The following RFX8 variants were observed in gnomAD, a reference collection of about 807,000 sequenced individuals.
RFX8 encodes regulatory factor X8.
In RFX8, 46 loss-of-function variants were observed where a neutral mutation model predicts 54.6. That is an observed-to-expected ratio of 0.84 (90% CI 0.67 to 1.08). RFX8 has a LOEUF of 1.08. Among genes scored for constraint, RFX8 ranks in the 50% least tolerant of loss-of-function variants. RFX8 has a pLI of 0.00. For missense variants in RFX8, 536 were observed against 562.3 expected (o/e 0.95, Z 0.47); for synonymous variants, 192 against 209.5 (o/e 0.92, Z 0.72).
chr2:101,472,136 T>A (rs983306320), intron 1 of RFX8, among the ~76,000 whole-genome samples: 1 of 152,224 alleles, frequency 6.6e-6, no homozygotes, highest in Non-Finnish European at 1.5e-5. Context: ...GTTTCACTCT[T>A]GTCGCCCACG....
intron 11 of RFX8, 141 bp from the exon 12 acceptor site, chr2:101,397,865 T>A: frequency 6.3e-6 from 2 of 319,988 alleles, no homozygotes; most frequent in Non-Finnish European, 1.0e-5. Flanking sequence ...CATTTATTCC[T>A]TTTTTTTTTT....
chr2:101,459,238 C>T (rs1689139064), intron 2 of RFX8, among the ~76,000 whole-genome samples: 1 of 152,166 alleles, frequency 6.6e-6, no homozygotes, highest in Non-Finnish European at 1.5e-5. Context: ...CATTCTCCGT[C>T]CAGTTTTGTT....
chr2:101,415,810 T>C (rs1686462920), intron 6 of RFX8, among the ~76,000 whole-genome samples: 1 of 152,244 alleles, frequency 6.6e-6, no homozygotes, highest in African/African-American at 2.4e-5. Context: ...TCCCATGCGA[T>C]GTGCGAGCAC....
At chr2:101,465,938 G>A (rs189774135) in intron 2 of RFX8, among the ~76,000 whole-genome samples, 16 of 152,288 alleles carry the variant, frequency 1.1e-4, no homozygotes, top group Admixed American at 9.8e-4. Context: ...GGAAGACAGG[G>A]AGAGGTGAAC....
chr2:101,403,760 C>A (rs967218747), intron 10 of RFX8, among the ~76,000 whole-genome samples: 1 of 152,036 alleles, frequency 6.6e-6, no homozygotes, highest in Non-Finnish European at 1.5e-5. Flanking sequence ...GCATTCCAGC[C>A]TGGGTGACAG....
intron 3 of RFX8, 65 bp from the exon 4 acceptor site, chr2:101,421,842 G>A (rs1686885081): frequency 2.4e-6 from 3 of 1,231,060 alleles, no homozygotes; most frequent in Non-Finnish European, 2.3e-6. Context: ...GATCTTCACA[G>A]ACTTTTCTGA....
intron 2 of RFX8, among the ~76,000 whole-genome samples, chr2:101,450,291 G>T (rs1387706704): frequency 6.6e-6 from 1 of 152,050 alleles, no homozygotes; most frequent in Admixed American, 6.5e-5. Flanking sequence ...CGCAATCACG[G>T]CTCACTGCAG....
chr2:101,415,112 C>T (rs1686415833), intron 6 of RFX8, among the ~76,000 whole-genome samples, 200 bp from the exon 7 acceptor site: 1 of 151,974 alleles, frequency 6.6e-6, no homozygotes, highest in Non-Finnish European at 1.5e-5. Flanking sequence ...TCCTCATGTG[C>T]CAGAAAAATT....
chr2:101,454,905 G>T (rs1477974677), intron 2 of RFX8, among the ~76,000 whole-genome samples: 1 of 152,088 alleles, frequency 6.6e-6, no homozygotes, highest in Non-Finnish European at 1.5e-5. Context: ...AGTTTAATTA[G>T]ATCCCATTTG....
chr2:101,419,788 A>G (rs1250574403), intron 4 of RFX8, among the ~76,000 whole-genome samples: 1 of 152,224 alleles, frequency 6.6e-6, no homozygotes, highest in African/African-American at 2.4e-5. Flanking sequence ...AAATCCCGTT[A>G]TCAGGGCATT....
chr2:101,464,690 A>G (rs917210601), intron 2 of RFX8, among the ~76,000 whole-genome samples: 3 of 152,212 alleles, frequency 2.0e-5, no homozygotes, highest in Non-Finnish European at 4.4e-5. Context: ...ACCTTGAGGA[A>G]TTCTAAAGGA....
chr2:101,472,630 A>G (rs186367884), intron 1 of RFX8, among the ~76,000 whole-genome samples: 1 of 152,348 alleles, frequency 6.6e-6, no homozygotes, highest in African/African-American at 2.4e-5. Flanking sequence ...GCTACACTGT[A>G]AGAAGAATTG....
intron 1 of RFX8, among the ~76,000 whole-genome samples, chr2:101,467,956 T>C (rs1192478437): frequency 6.6e-6 from 1 of 152,170 alleles, no homozygotes; most frequent in Admixed American, 6.5e-5. Context: ...ATACGTCTCC[T>C]TGGCATTTGT....
chr2:101,461,117 A>T (rs1689248705), intron 2 of RFX8, among the ~76,000 whole-genome samples: 1 of 151,778 alleles, frequency 6.6e-6, no homozygotes, highest in African/African-American at 2.4e-5. Context: ...AATACAAAAA[A>T]AAATTGCCGG....
intron 2 of RFX8, among the ~76,000 whole-genome samples, chr2:101,453,992 G>A (rs1413921926): frequency 1.3e-5 from 2 of 152,120 alleles, no homozygotes; most frequent in Non-Finnish European, 2.9e-5. Flanking sequence ...TTGGTTTGCT[G>A]CACCCATCAA....
chr2:101,447,650 A>G (rs1688463781), intron 2 of RFX8, among the ~76,000 whole-genome samples: 1 of 152,238 alleles, frequency 6.6e-6, no homozygotes, highest in Non-Finnish European at 1.5e-5. Context: ...TACATAATAT[A>G]TCACATAATA....
intron 1 of RFX8, among the ~76,000 whole-genome samples, chr2:101,473,824 A>G (rs1261995026): frequency 1.3e-5 from 2 of 152,190 alleles, no homozygotes; most frequent in East Asian, 3.9e-4. Flanking sequence ...GAAACATCCC[A>G]TCCTGGATCT....
At chr2:101,455,956 G>A (rs1375641885) in intron 2 of RFX8, among the ~76,000 whole-genome samples, 1 of 152,018 alleles carries the variant, frequency 6.6e-6, no homozygotes, top group African/African-American at 2.4e-5. Flanking sequence ...GTATTCCTAG[G>A]TATTTTATTC....
chr2:101,451,348 T>C (rs1322372086), intron 2 of RFX8, among the ~76,000 whole-genome samples: 1 of 152,156 alleles, frequency 6.6e-6, no homozygotes, highest in Non-Finnish European at 1.5e-5. Context: ...GTGACAATTA[T>C]GACACAAGGC....
Sources: gnomAD v4.1 joint callset for allele counts (sites outside exome capture counted in the v4.1 genomes callset) on GRCh38, gnomAD v4.1.1 for gene constraint, MANE v1.5 for transcripts, NCBI Gene and HGNC (gene_info 2026-07-23, HGNC 2026-07-21) for gene names.